Variants in MYH9 observed in about 807,000 individuals in gnomAD.
MYH9 encodes myosin heavy chain 9.
MYH9 carries 29 observed loss-of-function variants against 241.9 expected under a neutral mutation model. The ratio of observed to expected loss-of-function variants is 0.12; its 90% CI spans 0.09 to 0.16. MYH9 has a LOEUF of 0.16. Ranked by LOEUF, MYH9 falls within the 10% of genes least tolerant of loss-of-function variation. The pLI, the probability that MYH9 is intolerant of heterozygous loss-of-function variation, is 1.00. For missense variants in MYH9, 1,803 were observed against 2,595.5 expected (o/e 0.69, Z 6.63); for synonymous variants, 1,047 against 1,062.6 (o/e 0.99, Z 0.29).
At chr22:36,292,939 A>G (rs1166769056) in intron 30 of MYH9, among the ~76,000 whole-genome samples, 1 of 152,238 alleles carries the variant, frequency 6.6e-6, no homozygotes, top group Admixed American at 6.5e-5. Flanking sequence ...GATAACAAAC[A>G]GCGCAGGCCT....
chr22:36,367,848 C>T (rs931868311), intron 1 of MYH9, among the ~76,000 whole-genome samples: 1 of 152,224 alleles, frequency 6.6e-6, no homozygotes, highest in Admixed American at 6.5e-5. Flanking sequence ...GGACAGAGCC[C>T]CAGGCCCCCT....
chr22:36,339,230 T>C (rs2017545992), intron 3 of MYH9, among the ~76,000 whole-genome samples: 2 of 152,154 alleles, frequency 1.3e-5, no homozygotes, highest in African/African-American at 4.8e-5. Context: ...AAAGCAAAAA[T>C]GCCCAGTTGC....
chr22:36,362,638 G>A (rs770753788), intron 1 of MYH9, among the ~76,000 whole-genome samples: 2 of 152,098 alleles, frequency 1.3e-5, no homozygotes, highest in African/African-American at 2.4e-5. Flanking sequence ...CAGCACGCTC[G>A]GCTAATTTTT....
At chr22:36,346,422 T>C (rs1291640889) in intron 2 of MYH9, among the ~76,000 whole-genome samples, 1 of 152,160 alleles carries the variant, frequency 6.6e-6, no homozygotes, top group African/African-American at 2.4e-5. Flanking sequence ...CTCGTAGAAA[T>C]GTGCTTAAGT....
Position 36,295,353 on chromosome 22 carries a change from G to T in MYH9, c.3485+152C>A. 2 of 754,976 alleles carry T rather than the reference G, an allele frequency of 2.6e-6. No individual in the cohort carries two copies. The highest frequency in any genetic ancestry group is 3.2e-5 in the South Asian group (2 of 63,452). The allele number at this position is 754,976 out of a possible 1,614,324, so 46.8% of individuals were successfully genotyped here. A position where few individuals can be genotyped will look rare whatever the true frequency, so the allele number is the denominator to read the frequency against. The stretch of plus-strand genomic sequence containing the variant: ...ACTTTCTACTCTGTAGAGAGAAACC[G>T]CTGAGGAACCAGCAGCTTCCATGCC... On this transcript the variant is annotated intron_variant, in intron 26 of 40. Transcript: ENST00000216181. This position sits in a 1 kb window ranked among gnomAD's most constrained non-coding sequence, Gnocchi z 4.1.
At chr22:36,314,062 A>G in intron 13 of MYH9, 83 bp downstream of exon 13, 1 of 1,513,666 alleles carries the variant, frequency 6.6e-7, no homozygotes, top group Non-Finnish European at 9.2e-7. Flanking sequence ...TCCACAACCA[A>G]CACAGAGCTG....
At chr22:36,318,417 C>T in intron 10 of MYH9, 92 bp from the exon 11 acceptor site, 3 of 1,048,952 alleles carry the variant, frequency 2.9e-6, no homozygotes, top group Non-Finnish European at 4.5e-6. Flanking sequence ...ATAAGTCCCT[C>T]TGCTTGACTT....
At position 36,312,054 on chromosome 22, in the gene MYH9, C is replaced by T. The variant is rs1228797100; in HGVS notation, c.1723G>A (p.Gly575Ser). The T allele has an allele frequency of 1.9e-6, 3 of 1,614,084 alleles. No individual in the cohort carries two copies. The highest frequency in any genetic ancestry group is 2.5e-6 in the Non-Finnish European group (3 of 1,180,012). ...KADFCIIHYA[G>S]KVDYKADEWL... The stretch of plus-strand genomic sequence containing the variant: ...TCCCCGTGAGCGCTCCTCACCTTGC[C>T]GGCATAGTGGATAATGCAGAAATCA... The change falls in exon 14 of 41, where the codon GGC becomes AGC. Residue 575 changes from glycine (G) to serine (S), a missense_variant. This residue lies in a region of MYH9 where 163 missense variants were observed against 349.7 expected (regional missense o/e 0.47). Coordinates refer to ENST00000216181, the MANE Select transcript of MYH9 (RefSeq NM_002473.6).
chr22:36,332,850 G>A (rs868126092), intron 3 of MYH9, among the ~76,000 whole-genome samples: 1 of 152,064 alleles, frequency 6.6e-6, no homozygotes, highest in African/African-American at 2.4e-5. Flanking sequence ...GGGGCCAGGA[G>A]GGGGAAACTT....
intron 31 of MYH9, among the ~76,000 whole-genome samples, chr22:36,291,550 A>C (rs201735686): frequency 6.6e-6 from 1 of 152,216 alleles, no homozygotes; most frequent in African/African-American, 2.4e-5. Context: ...CGGAAGGCCA[A>C]AGGGTCCTCT....
intron 1 of MYH9, among the ~76,000 whole-genome samples, chr22:36,354,946 C>CA (rs1170139995): frequency 7.5e-6 from 1 of 133,010 alleles, no homozygotes; most frequent in Non-Finnish European, 1.6e-5. Flanking sequence ...AACAAAAAAA[C>CA]AAAAAACAAA....
chr22:36,285,881 T>G lies in MYH9; in HGVS notation c.5134A>C (p.Asn1712His), dbSNP rs751632674. 3 of 1,613,612 alleles carry G rather than the reference T, an allele frequency of 1.9e-6. No homozygotes were observed. Among genetic ancestry groups the G allele is most frequent in the Non-Finnish European group, 2.5e-6 (3 of 1,179,976 alleles). Residue 1712 changes from asparagine (N) to histidine (H), a missense_variant, in exon 36 of 41, where the codon AAC (asparagine) becomes CAC (histidine). Physicochemically the swap from Asn to His is moderately conservative, Grantham distance 68. Coordinates refer to ENST00000216181, the MANE Select transcript of MYH9 (RefSeq NM_002473.6). The surrounding 1 kb of genome is among the most constrained non-coding windows in gnomAD (Gnocchi z 7.0). ...ERDELADEIANSSGKGALALE... is the reference protein window; with the variant it reads ...ERDELADEIAHSSGKGALALE... ...TCAGCTCACCCTTTGCCGCTGCTGT[T>G]GGCGATCTCGTCAGCCAGCTCATCC...
chr22:36,318,299 C>T lies in MYH9; in HGVS notation c.1135G>A (p.Gly379Ser). 1 of 1,613,930 alleles carries T rather than the reference C, an allele frequency of 6.2e-7. No individual in the cohort carries two copies. The highest frequency in any genetic ancestry group is 8.5e-7 in the Non-Finnish European group (1 of 1,180,008). ...CTGGTGAAATCGGTCACATTGATAC[C>T]CAAGAGATGGGACACCTTTTGGGCA... ...TAAQKVSHLL[G>S]INVTDFTRGI... Residue 379 changes from glycine (G) to serine (S), a missense_variant, in exon 11 of 41, where the codon GGT (glycine) becomes AGT (serine). By Grantham distance (56) the Gly-to-Ser change is moderately conservative. Transcript: ENST00000216181.
intron 3 of MYH9, among the ~76,000 whole-genome samples, chr22:36,332,623 G>C (rs1166278441): frequency 8.6e-6 from 1 of 116,700 alleles, no homozygotes; most frequent in Admixed American, 1.3e-4. Flanking sequence ...AGGAGGCAGA[G>C]AATGGGTAGC....
intron 15 of MYH9, chr22:36,308,988 C>T: frequency 1.6e-5 from 8 of 489,950 alleles, no homozygotes; most frequent in South Asian, 1.7e-4. Flanking sequence ...GGGAATGCAA[C>T]ATGGCGCGGG....
At chr22:36,309,230 G>A in intron 15 of MYH9, 52 bp downstream of exon 15, 2 of 1,496,374 alleles carry the variant, frequency 1.3e-6, no homozygotes. Context: ...GAGGTGGGAA[G>A]ATGACCAGCC....
At chr22:36,370,641 G>C (rs1034610951) in intron 1 of MYH9, among the ~76,000 whole-genome samples, 1 of 152,166 alleles carries the variant, frequency 6.6e-6, no homozygotes, top group Non-Finnish European at 1.5e-5. Context: ...CCTCCTTACC[G>C]GTGTCAAAAG....
intron 1 of MYH9, among the ~76,000 whole-genome samples, chr22:36,371,349 C>T (rs1186263258): frequency 3.3e-5 from 5 of 152,072 alleles, no homozygotes; most frequent in Admixed American, 2.6e-4. Context: ...GTGCACAGAG[C>T]GAAGACCATG....
intron 18 of MYH9, among the ~76,000 whole-genome samples, chr22:36,304,799 G>A (rs1047192312): frequency 6.6e-6 from 1 of 152,236 alleles, no homozygotes; most frequent in Non-Finnish European, 1.5e-5. Flanking sequence ...GCCCGGCCAT[G>A]GCTACAGTTC....
Sources: allele counts gnomAD v4.1 joint callset (sites outside exome capture counted in the v4.1 genomes callset), GRCh38; gene constraint gnomAD v4.1.1; regional missense constraint gnomAD v4.1.1; non-coding constraint Gnocchi (gnomAD v3.1); transcripts MANE v1.5; gene names NCBI Gene and HGNC (gene_info 2026-07-23, HGNC 2026-07-21).